Variants in RTTN observed in about 807,000 individuals in gnomAD.
The protein encoded by RTTN is rotatin.
Under a neutral mutation model 269.2 loss-of-function variants are expected in RTTN, and 182 were observed. The observed-to-expected ratio is 0.68, with a 90% CI of 0.60 to 0.76. The LOEUF is 0.76. Among genes scored for constraint, RTTN ranks in the 30% least tolerant of loss-of-function variants. The pLI, the probability that RTTN is intolerant of heterozygous loss-of-function variation, is 0.00. For missense variants in RTTN, 2,545 were observed against 2,608.6 expected, an observed-to-expected ratio of 0.98 and a Z score of 0.53; for synonymous variants, 1,006 against 963.5, an observed-to-expected ratio of 1.04 and a Z score of -0.82.
At chr18:70,087,468 T>A (rs913677497) in intron 31 of RTTN, among the ~76,000 whole-genome samples, 12 of 152,184 alleles carry the variant, frequency 7.9e-5, no homozygotes, top group Admixed American at 5.9e-4. Context: ...CAGGAGCTGC[T>A]GTTTTTTTTC....
In RTTN at chr18:70,020,727, A is replaced by G. The variant is rs1421477163; in HGVS notation, c.6041T>C (p.Ile2014Thr). Residue 2014 changes from isoleucine (I) to threonine (T), a missense_variant, in exon 45 of 49, where the codon ATC becomes ACC. Transcript: ENST00000640769. ...GAVSNSLMLC[I>T]LKLASQMPLE... The stretch of plus-strand genomic sequence containing the variant: ...TGGCATCTGGGAAGCCAACTTTAGG[A>G]TACACAGCATCAGAGAGTTGCTCAC... The G allele has an allele frequency of 6.2e-7, 1 of 1,614,124 alleles. No individual in the cohort carries two copies. Among genetic ancestry groups the G allele is most frequent in the East Asian group, 2.2e-5 (1 of 44,888 alleles).
intron 1 of RTTN, 111 bp downstream of exon 1, chr18:70,205,517 G>A: frequency 1.4e-6 from 2 of 1,463,534 alleles, no homozygotes; most frequent in Admixed American, 1.7e-5. Context: ...AAGCGGGGGT[G>A]AAAGAGGGAG....
intron 34 of RTTN, among the ~76,000 whole-genome samples, chr18:70,072,146 ACTAG>A (rs1258058407): frequency 2.0e-5 from 3 of 152,190 alleles, no homozygotes; most frequent in African/African-American, 7.2e-5. Flanking sequence ...AGAAAATATA[ACTAG>A]TAGAATTAGG....
chr18:70,139,945 C>CA, intron 20 of RTTN, 155 bp downstream of exon 20: 1 of 650,772 alleles, frequency 1.5e-6, no homozygotes, highest in Non-Finnish European at 2.7e-6. Context: ...ATAGAGACTC[C>CA]ACTTTTCGAA....
chr18:70,174,564 C>T (rs1055844648), intron 11 of RTTN, among the ~76,000 whole-genome samples: 2 of 149,624 alleles, frequency 1.3e-5, no homozygotes, highest in East Asian at 1.9e-4. Context: ...ATCAAAATAC[C>T]AAAAAAAGAA....
Position 70,188,172 on chromosome 18 carries a change from G to A in RTTN, c.1241C>T (p.Thr414Ile). The part of the protein sequence containing the change: ...RVLELLTEDM[T>I]LIGEAISTDI... ...TGTTGAAATTGCTTCACCAATAAGTGTCATATCCTCTGTAAGCAATTCCAG... is the reference window on the plus strand; with the variant it reads ...TGTTGAAATTGCTTCACCAATAAGTATCATATCCTCTGTAAGCAATTCCAG... Residue 414 changes from threonine to isoleucine, a missense_variant, in exon 10 of 49, where the codon ACA becomes ATA. By Grantham distance (89) the Thr-to-Ile change is moderately conservative. Transcript: ENST00000640769. The A allele has an allele frequency of 3.7e-6, 6 of 1,612,226 alleles. No homozygotes were observed. Among genetic ancestry groups the A allele is most frequent in the Non-Finnish European group, 5.1e-6 (6 of 1,178,558 alleles).
rs1032927249 is a variant in RTTN at position 70,172,223 on chromosome 18, T to C, written c.1477-3156A>G. ...TATACATGAGTATTCTCCAAAATCA[T>C]TTAATATCAACAAATATCAGTTTCA... On this transcript the variant is annotated intron_variant, in intron 11 of 48. Transcript: ENST00000640769. Among the ~76,000 whole-genome samples, 3 of 152,206 alleles carry C rather than the reference T, an allele frequency of 2.0e-5. No individual in the cohort carries two copies. In the East Asian group the frequency reaches 5.8e-4, roughly 29 times the overall value.
chr18:70,054,071 G>A (rs552976837), intron 38 of RTTN, 60 bp downstream of exon 38: 26 of 1,379,396 alleles, frequency 1.9e-5, no homozygotes, highest in African/African-American at 1.0e-4. Context: ...CTGAAACAGA[G>A]TAAGTTTTTT....
intron 28 of RTTN, among the ~76,000 whole-genome samples, chr18:70,094,033 T>C (rs1214631911): frequency 6.6e-6 from 1 of 152,216 alleles, no homozygotes; most frequent in Non-Finnish European, 1.5e-5. Context: ...GGAGGGTGTA[T>C]GTGTCCAGGA....
At chr18:70,006,640 G>A (rs2056197736) in intron 46 of RTTN, 156 bp from the exon 47 acceptor site, 1 of 615,166 alleles carries the variant, frequency 1.6e-6, no homozygotes, top group South Asian at 2.0e-5. Context: ...TATGCCATGT[G>A]GTATATGGGA....
At chr18:70,201,328 C>T (rs1481117844) in intron 4 of RTTN, among the ~76,000 whole-genome samples, 3 of 151,950 alleles carry the variant, frequency 2.0e-5, no homozygotes, top group East Asian at 1.9e-4. Flanking sequence ...TTCGGCCGGG[C>T]GCGGTGGCTC....
At chr18:70,102,511 T>C (rs1171688959) in intron 28 of RTTN, among the ~76,000 whole-genome samples, 3 of 152,240 alleles carry the variant, frequency 2.0e-5, no homozygotes, top group Admixed American at 2.0e-4. Flanking sequence ...CTGATGGGTC[T>C]TGACTCTTTA....
At chr18:70,096,486 G>A (rs2059007628) in intron 28 of RTTN, among the ~76,000 whole-genome samples, 2 of 152,186 alleles carry the variant, frequency 1.3e-5, no homozygotes, top group Admixed American at 1.3e-4. Context: ...GGGTCTCTGA[G>A]TGGAAGTCCT....
At chr18:70,085,940 T>C (rs1010278787) in intron 32 of RTTN, among the ~76,000 whole-genome samples, 2 of 152,154 alleles carry the variant, frequency 1.3e-5, no homozygotes, top group Non-Finnish European at 2.9e-5. Flanking sequence ...AATATACTTA[T>C]GTAACAAACA....
intron 47 of RTTN, chr18:70,005,469 T>C (rs955708331): frequency 2.5e-6 from 1 of 400,266 alleles, no homozygotes; most frequent in South Asian, 9.6e-5. Flanking sequence ...TATCCTCTTA[T>C]CTAACTTGAT....
At chr18:70,179,511 G>A (rs1360450853) in intron 10 of RTTN, among the ~76,000 whole-genome samples, 1 of 152,084 alleles carries the variant, frequency 6.6e-6, no homozygotes, top group South Asian at 2.1e-4. Context: ...TGTAGGAAAG[G>A]ATTGAAAAAC....
chr18:70,059,704 C>G, intron 36 of RTTN, 146 bp downstream of exon 36: 1 of 496,184 alleles, frequency 2.0e-6, no homozygotes, highest in Non-Finnish European at 3.3e-6. Flanking sequence ...ACAATTCTGG[C>G]AAAAGCAAAA....
At chr18:70,069,860 C>CAT (rs1178922069) in intron 34 of RTTN, among the ~76,000 whole-genome samples, 1 of 152,010 alleles carries the variant, frequency 6.6e-6, no homozygotes, top group Non-Finnish European at 1.5e-5. Flanking sequence ...ATTTTGAAAA[C>CAT]ATGGAAAAAT....
chr18:70,089,389 C>A (rs559429299), intron 30 of RTTN, among the ~76,000 whole-genome samples: 1 of 152,196 alleles, frequency 6.6e-6, no homozygotes, highest in Non-Finnish European at 1.5e-5. Flanking sequence ...AGAAACCAAC[C>A]ATGTTGACAC....
Sources: allele counts gnomAD v4.1 joint callset (sites outside exome capture counted in the v4.1 genomes callset), GRCh38; gene constraint gnomAD v4.1.1; transcripts MANE v1.5; gene names NCBI Gene and HGNC (gene_info 2026-07-23, HGNC 2026-07-21).